Variants in CTNNA3 observed in about 807,000 individuals in gnomAD.
The protein encoded by CTNNA3 is catenin alpha 3.
Under a neutral mutation model 95.7 loss-of-function variants are expected in CTNNA3, and 76 were observed. The observed-to-expected ratio is 0.79, with a 90% CI of 0.66 to 0.96. The LOEUF (loss-of-function observed/expected upper bound fraction) is 0.96, where lower values mean the gene tolerates loss of function less well. Ranked by LOEUF, CTNNA3 falls within the 40% of genes least tolerant of loss-of-function variation. The pLI is 0.00. For synonymous variants in CTNNA3, 431 were observed against 374.4 expected (o/e 1.15, Z -1.74); for missense variants, 1,191 against 1,089.8 (o/e 1.09, Z -1.31).
In CTNNA3 at chr10:66,209,684, C is replaced by T. The variant is rs2088007986; in HGVS notation, c.1884+70786G>A. Among the ~76,000 whole-genome samples the T allele has an allele frequency of 3.3e-5, 5 of 152,182 alleles. No individual in the cohort carries two copies. In the South Asian group the frequency reaches 1.0e-3, roughly 32 times the overall value. The stretch of plus-strand genomic sequence containing the variant: ...AAGAGCATGAAAAAAATAGAGGAGT[C>T]AGGGATAAGCCAATTTTTTCATATT... On this transcript the variant is annotated intron_variant, in intron 13 of 17. Transcript: ENST00000433211.
chr10:66,808,221 C>G (rs1249863649), intron 7 of CTNNA3, among the ~76,000 whole-genome samples: 1 of 152,084 alleles, frequency 6.6e-6, no homozygotes, highest in East Asian at 1.9e-4. Context: ...TTTACTCAAG[C>G]TGCATCCAAA....
intron 11 of CTNNA3, among the ~76,000 whole-genome samples, chr10:66,389,217 T>C (rs1230877286): frequency 1.3e-5 from 2 of 152,162 alleles, no homozygotes; most frequent in Non-Finnish European, 2.9e-5. Flanking sequence ...CAAAAATTTT[T>C]TTTTTCTGAA....
At chr10:66,592,582 A>G (rs185341346) in intron 10 of CTNNA3, among the ~76,000 whole-genome samples, 3 of 152,300 alleles carry the variant, frequency 2.0e-5, no homozygotes, top group Admixed American at 2.0e-4. Context: ...ATAGAATTAA[A>G]TAAACATAGG....
In CTNNA3 at chr10:66,431,243, A is replaced by G. The variant is rs566968285; in HGVS notation, c.1532-51891T>C. ...ATGGCGATCATTAAAAAGTCAGGAAACAACAGGAGCTGGAGAGGATGTGGA... is the reference window on the plus strand; with the variant it reads ...ATGGCGATCATTAAAAAGTCAGGAAGCAACAGGAGCTGGAGAGGATGTGGA... On this transcript the variant is annotated intron_variant, in intron 11 of 17. Transcript: ENST00000433211. Among the ~76,000 whole-genome samples the G allele has an allele frequency of 5.0e-3, 755 of 152,282 alleles. 4 individuals are homozygous for G. Among genetic ancestry groups the G allele is most frequent in the African/African-American group, 0.017 (715 of 41,546 alleles).
intron 11 of CTNNA3, among the ~76,000 whole-genome samples, chr10:66,444,342 C>T (rs983857237): frequency 2.0e-5 from 3 of 151,866 alleles, no homozygotes; most frequent in Non-Finnish European, 2.9e-5. Flanking sequence ...AGATACTCCT[C>T]GAGAAGAGCA....
At chr10:67,392,522 C>G (rs1304370818) in intron 5 of CTNNA3, among the ~76,000 whole-genome samples, 15 of 152,244 alleles carry the variant, frequency 9.9e-5, no homozygotes, top group South Asian at 2.1e-4. Context: ...TCTAGAACTA[C>G]AAATACCATT....
intron 5 of CTNNA3, among the ~76,000 whole-genome samples, chr10:67,432,979 T>C (rs1213120187): frequency 1.3e-5 from 2 of 152,092 alleles, no homozygotes; most frequent in African/African-American, 4.8e-5. Flanking sequence ...AAATATTTGA[T>C]AGAATGCATT....
At chr10:66,800,702 C>T (rs886065746) in intron 7 of CTNNA3, among the ~76,000 whole-genome samples, 1 of 151,126 alleles carries the variant, frequency 6.6e-6, no homozygotes, top group African/African-American at 2.4e-5. Flanking sequence ...TATATAGGAA[C>T]TATATAAAGA....
intron 12 of CTNNA3, among the ~76,000 whole-genome samples, chr10:66,346,439 C>T (rs1038205434): frequency 4.0e-5 from 6 of 151,536 alleles, no homozygotes; most frequent in South Asian, 2.1e-4. Flanking sequence ...CCACCATGCT[C>T]GGCTAAGTTT....
chr10:65,977,642 C>G (rs1564553320), intron 16 of CTNNA3, among the ~76,000 whole-genome samples: 1 of 151,836 alleles, frequency 6.6e-6, no homozygotes. Flanking sequence ...ATTAGCCGGG[C>G]ATGGTGACTC....
At chr10:66,411,050 C>T (rs1401430655) in intron 11 of CTNNA3, among the ~76,000 whole-genome samples, 1 of 152,166 alleles carries the variant, frequency 6.6e-6, no homozygotes. Flanking sequence ...ACATATTTAG[C>T]TTCTCTCAAC....
intron 7 of CTNNA3, among the ~76,000 whole-genome samples, chr10:66,782,733 C>G (rs1335484111): frequency 6.6e-6 from 1 of 151,924 alleles, no homozygotes; most frequent in Non-Finnish European, 1.5e-5. Context: ...AATATTCAAG[C>G]TATATTATTA....
chr10:66,983,734 T>A (rs1371191559), intron 7 of CTNNA3, among the ~76,000 whole-genome samples: 1 of 152,188 alleles, frequency 6.6e-6, no homozygotes, highest in African/African-American at 2.4e-5. Flanking sequence ...AATTATCCCA[T>A]GATACAGTTT....
chr10:66,664,445 G>C (rs532117133), intron 9 of CTNNA3, among the ~76,000 whole-genome samples: 5 of 152,024 alleles, frequency 3.3e-5, no homozygotes, highest in Non-Finnish European at 5.9e-5. Flanking sequence ...CATGAATATT[G>C]GTCCCATCTC....
Position 67,433,229 on chromosome 10 carries a change from C to T in CTNNA3, c.579+88613G>A, listed in dbSNP as rs1199428456. Among the ~76,000 whole-genome samples, 3 of 151,880 alleles carry T rather than the reference C, an allele frequency of 2.0e-5. No individual in the cohort carries two copies. The East Asian group carries it at 5.8e-4, about 29-fold the overall frequency. ...TTTTGTACTTCAGGTAATAGGGAGG[C>T]CCAAGGAGAGAGACACAGATGGGGA... On this transcript the variant is annotated intron_variant, in intron 5 of 17. Transcript: ENST00000433211.
rs138898184 is a variant in CTNNA3, at chr10:66,766,369, C to T, written c.1176G>A (p.Thr392=). 76 of 1,613,438 alleles carry T rather than the reference C, an allele frequency of 4.7e-5. No homozygotes were observed. Among genetic ancestry groups the T allele is most frequent in the Non-Finnish European group, 5.5e-5 (65 of 1,179,660 alleles). The change falls in exon 9 of 18, where the codon ACG becomes ACA. Residue 392 remains threonine (T), a synonymous_variant. Transcript: ENST00000433211. The stretch of plus-strand genomic sequence containing the variant: ...CAATGAGAACCAAAAGAGGGACTGT[C>T]GTATCCAGGAAAGAGTCTGACACAT... ...IDHVSDSFLD[T]TVPLLVLIEA...
rs1161880781 is a variant in CTNNA3, at chr10:66,913,238, C to CAAAAA, written c.1048-137719_1048-137715dup. Among the ~76,000 whole-genome samples, 137 of 33,522 alleles carry CAAAAA rather than the reference C, an allele frequency of 4.1e-3. 11 individuals carry two copies. Among genetic ancestry groups the CAAAAA allele is most frequent in the African/African-American group, 0.011 (90 of 8,098 alleles). 22.0% of individuals were successfully genotyped at this position (33,522 alleles called of 152,430 possible). A position where few individuals can be genotyped will look rare whatever the true frequency, so the allele number is the denominator to read the frequency against. ...TGGGCGAAAGAGCGAGACTCCGTCTCAAAAAAAAAAAAAAAAAAAAAAAAA... is the reference window on the plus strand; with the variant it reads ...TGGGCGAAAGAGCGAGACTCCGTCTCAAAAAAAAAAAAAAAAAAAAAAAAAAAAAA... On this transcript the variant is annotated intron_variant, in intron 7 of 17. Coordinates refer to ENST00000433211, the MANE Select transcript of CTNNA3 (RefSeq NM_013266.4).
chr10:66,222,393 A>G lies in CTNNA3; in HGVS notation c.1884+58077T>C, dbSNP rs112520318. Among the ~76,000 whole-genome samples, 314 of 152,276 alleles carry G rather than the reference A, an allele frequency of 2.1e-3. 2 individuals are homozygous for G. The highest frequency in any genetic ancestry group is 7.4e-3 in the African/African-American group (306 of 41,560). On this transcript the variant is annotated intron_variant, in intron 13 of 17. Transcript: ENST00000433211. ...ATAGCTACTTACTATTAGCTTCAATATTGTTTAACTCAAACACTGTAATTT... is the reference window on the plus strand; with the variant it reads ...ATAGCTACTTACTATTAGCTTCAATGTTGTTTAACTCAAACACTGTAATTT...
At chr10:67,458,112 AAAT>A (rs1847240672) in intron 5 of CTNNA3, among the ~76,000 whole-genome samples, 1 of 152,030 alleles carries the variant, frequency 6.6e-6, no homozygotes, top group Non-Finnish European at 1.5e-5. Context: ...TGAGTCCACA[AAAT>A]AATAGTTTTC....
Sources: gnomAD v4.1 joint callset for allele counts (sites outside exome capture counted in the v4.1 genomes callset) on GRCh38, gnomAD v4.1.1 for gene constraint, MANE v1.5 for transcripts, NCBI Gene and HGNC (gene_info 2026-07-23, HGNC 2026-07-21) for gene names.